The following TNFRSF10D variants were observed in gnomAD, a reference collection of about 807,000 sequenced individuals.
TNFRSF10D encodes tumor necrosis factor receptor superfamily member 10D.
A neutral mutation model predicts 42.1 loss-of-function variants in TNFRSF10D; 28 were observed. That is an observed-to-expected ratio of 0.66 (90% CI 0.49 to 0.91). The LOEUF (loss-of-function observed/expected upper bound fraction) is 0.91. TNFRSF10D is among the 40% of genes least tolerant of loss of function. TNFRSF10D has a pLI of 0.00. For missense variants in TNFRSF10D, 503 were observed against 486.1 expected, an observed-to-expected ratio of 1.03 and a Z score of -0.33; for synonymous variants, 186 against 189.4, an observed-to-expected ratio of 0.98 and a Z score of 0.15.
intron 1 of TNFRSF10D, among the ~76,000 whole-genome samples, chr8:23,155,879 A>C (rs117693200): frequency 6.6e-6 from 1 of 152,076 alleles, no homozygotes; most frequent in East Asian, 1.9e-4. Flanking sequence ...CATTTTTACA[A>C]ATGAGGGTTA....
At chr8:23,138,338 C>A in intron 7 of TNFRSF10D, 78 bp from the exon 8 acceptor site, 2 of 1,504,208 alleles carry the variant, frequency 1.3e-6, no homozygotes, top group East Asian at 2.3e-5. Context: ...CACTAGCCAG[C>A]AAGAGACCTG....
chr8:23,138,330 C>A lies in TNFRSF10D; in HGVS notation c.955-70G>T, dbSNP rs1418136395. ...TGCAGTCTAGTACTGACCCTGACCA[C>A]TAGCCAGCAAGAGACCTGCAGCGCT... On this transcript the variant is annotated intron_variant, in intron 7 of 8. Coordinates refer to ENST00000312584, the MANE Select transcript of TNFRSF10D (RefSeq NM_003840.5). 1.7e-3 allele frequency: 2,577 copies of A among 1,559,544 alleles called. No individual in the cohort carries two copies. The African/African-American group carries it at 0.019, about 12-fold the overall frequency.
In TNFRSF10D at chr8:23,144,507, C is replaced by A; in HGVS notation, c.897G>T (p.Glu299Asp). Residue 299 changes from glutamate (E) to aspartate (D), a missense_variant, in exon 7 of 9, where the codon GAG (glutamate) becomes GAT (aspartate). By Grantham distance (45) the Glu-to-Asp change is conservative. Transcript: ENST00000312584. ...QVSEQEIQGQELAELTGVTVE... is the reference protein window; with the variant it reads ...QVSEQEIQGQDLAELTGVTVE... ...CAGTCACACCTGTTAGCTCTGCCAG[C>A]TCCTGACCTTGGATTTCCTGCTCAG... 6.2e-7 allele frequency: 1 copy of A among 1,614,254 alleles called. No homozygotes were observed. Among genetic ancestry groups the A allele is most frequent in the Non-Finnish European group, 8.5e-7 (1 of 1,180,044 alleles).
In TNFRSF10D at chr8:23,135,708, C is replaced by G; in HGVS notation, c.*2162G>C. ...CAAAACCTAAACAAATCAACCAACG[C>G]CAAAAAACCCCAACAATTTCATGTT... On this transcript the variant is annotated 3_prime_UTR_variant, in exon 9 of 9. Transcript: ENST00000312584. 1 of 291,384 alleles carries G rather than the reference C, an allele frequency of 3.4e-6. No homozygotes were observed. Among genetic ancestry groups the G allele is most frequent in the South Asian group, 3.4e-5 (1 of 29,726 alleles). The allele number at this position is 291,384 out of a possible 1,614,324, so 18.0% of individuals were successfully genotyped here.
In TNFRSF10D at chr8:23,161,865, C is replaced by T. The variant is rs138075939; in HGVS notation, c.150+1921G>A. ...GAAACTTCTGAAATGATTTATCCCA[C>T]GGAAGTAGAAGTAAAATTCTACTTC... On this transcript the variant is annotated intron_variant, in intron 1 of 8. Coordinates refer to ENST00000312584, the MANE Select transcript of TNFRSF10D (RefSeq NM_003840.5). 3.3e-5 allele frequency among the ~76,000 whole-genome samples: 5 copies of T among 152,268 alleles called. 1 individual carries two copies. The highest frequency in any genetic ancestry group is 2.1e-4 in the South Asian group (1 of 4,828).
chr8:23,162,162 T>C (rs142518300), intron 1 of TNFRSF10D, among the ~76,000 whole-genome samples: 16 of 152,352 alleles, frequency 1.1e-4, no homozygotes, highest in African/African-American at 3.8e-4. Flanking sequence ...AGCTCCAAAA[T>C]TTTAAAAAGC....
rs1242422699 is a variant in TNFRSF10D at position 23,163,990 on chromosome 8, G to A, written c.-55C>T. On this transcript the variant is annotated 5_prime_UTR_variant, in exon 1 of 9. In the 5' UTR this introduces an upstream ATG that the reference lacks. Transcript: ENST00000312584. ...CAAAAATCAATCAGAAATCGTCCCC[G>A]TAGTTTGTGCGCGTGCAAAGGTTCT... The A allele has an allele frequency of 1.5e-5, 23 of 1,502,252 alleles. No homozygotes were observed. Among genetic ancestry groups the A allele is most frequent in the South Asian group, 4.0e-5 (3 of 75,622 alleles). 93.1% of individuals were successfully genotyped at this position (1,502,252 alleles called of 1,614,324 possible).
At chr8:23,156,432 A>G (rs1394543597) in intron 1 of TNFRSF10D, among the ~76,000 whole-genome samples, 542 of 151,762 alleles carry the variant, frequency 3.6e-3, no homozygotes, top group African/African-American at 0.012. Context: ...CAGTGAAGCT[A>G]ATGCACATTT....
chr8:23,145,753 C>T lies in TNFRSF10D; in HGVS notation c.651G>A (p.Val217=). 2 of 1,614,206 alleles carry T rather than the reference C, an allele frequency of 1.2e-6. No homozygotes were observed. Among genetic ancestry groups the T allele is most frequent in the Non-Finnish European group, 1.7e-6 (2 of 1,180,030 alleles). ...CCACAGCTAAAATGATGACTAAAAC[C>T]ACTATGATGATAAGGTAGTGATAGG... is the stretch of plus-strand genomic sequence containing the variant. ...ASPYHYLIII[V]VLVIILAVVV... is the part of the protein sequence containing the mutation. Residue 217 remains valine, a synonymous_variant, in exon 5 of 9, where the codon GTG becomes GTA. Transcript: ENST00000312584.
In TNFRSF10D at chr8:23,163,768, A is replaced by G. The variant is rs1182518022; in HGVS notation, c.150+18T>C. 11 of 1,606,164 alleles carry G rather than the reference A, an allele frequency of 6.8e-6. No individual in the cohort carries two copies. Among genetic ancestry groups the G allele is most frequent in the Non-Finnish European group, 8.5e-6 (10 of 1,177,408 alleles). On this transcript the variant is annotated intron_variant, in intron 1 of 8. Transcript: ENST00000312584. ...CAGGTGCGCTCTTCCCCAGCCAGGG[A>G]CCGCGGCGGAGACTCACCGGCAGCA... is the stretch of plus-strand genomic sequence containing the variant.
At chr8:23,149,063 A>T (rs373723863) in intron 2 of TNFRSF10D, among the ~76,000 whole-genome samples, 4 of 149,804 alleles carry the variant, frequency 2.7e-5, no homozygotes, top group African/African-American at 4.9e-5. Flanking sequence ...GGTGGCAGGC[A>T]CCTGTAATCC....
At chr8:23,159,067 T>G (rs114556274) in intron 1 of TNFRSF10D, among the ~76,000 whole-genome samples, 916 of 152,176 alleles carry the variant, frequency 6.0e-3, no homozygotes, top group African/African-American at 0.019. Context: ...ATTCTGCTTG[T>G]ATTCCTTCAC....
intron 4 of TNFRSF10D, among the ~76,000 whole-genome samples, chr8:23,146,233 A>C (rs1260992358): frequency 5.3e-5 from 8 of 152,276 alleles, no homozygotes; most frequent in African/African-American, 1.9e-4. Context: ...ACTCCAGGGG[A>C]AGATCACAAG....
At chr8:23,161,248 C>T (rs1477051278) in intron 1 of TNFRSF10D, among the ~76,000 whole-genome samples, 23 of 152,224 alleles carry the variant, frequency 1.5e-4, no homozygotes, top group Admixed American at 1.4e-3. Context: ...GGAGGGGAAG[C>T]ACAGCAGGGC....
intron 3 of TNFRSF10D, 25 bp downstream of exon 3, chr8:23,148,413 G>C (rs759787264): frequency 6.3e-7 from 1 of 1,581,972 alleles, no homozygotes; most frequent in Admixed American, 1.7e-5. Context: ...TCCACCTCTG[G>C]GCAAGGGGTC....
intron 1 of TNFRSF10D, among the ~76,000 whole-genome samples, chr8:23,156,338 C>T (rs1314997043): frequency 3.6e-3 from 542 of 151,502 alleles, no homozygotes; most frequent in African/African-American, 0.011. Flanking sequence ...AAGCTACTTA[C>T]CTTGGGCTCT....
chr8:23,142,679 C>T lies in TNFRSF10D; in HGVS notation c.954+1771G>A, dbSNP rs553850918. ...CACAACCTGGATAAAATCATTCATACCTCAAATTTCAGCATCAAACAAACT... is the reference window on the plus strand; with the variant it reads ...CACAACCTGGATAAAATCATTCATATCTCAAATTTCAGCATCAAACAAACT... On this transcript the variant is annotated intron_variant, in intron 7 of 8. Transcript: ENST00000312584. Among the ~76,000 whole-genome samples, 17 of 152,196 alleles carry T rather than the reference C, an allele frequency of 1.1e-4. No individual in the cohort carries two copies. In the South Asian group the frequency reaches 3.5e-3, roughly 32 times the overall value.
At position 23,148,562 on chromosome 8, in the gene TNFRSF10D, A is replaced by G. The variant is rs950323529; in HGVS notation, c.257-11T>C. The G allele has an allele frequency of 6.3e-7, 1 of 1,593,036 alleles. No homozygotes were observed. Among genetic ancestry groups the G allele is most frequent in the Non-Finnish European group, 8.6e-7 (1 of 1,163,706 alleles). On this transcript the variant is annotated splice_polypyrimidine_tract_variant and intron_variant, in intron 2 of 8. Coordinates refer to ENST00000312584, the MANE Select transcript of TNFRSF10D (RefSeq NM_003840.5). ...CTGATCTATGAGATCCTGGGAAGGGAGAGAAAAGTTAATGAATGAGTCACC... is the reference window on the plus strand; with the variant it reads ...CTGATCTATGAGATCCTGGGAAGGGGGAGAAAAGTTAATGAATGAGTCACC...
In TNFRSF10D at chr8:23,145,098, G is replaced by A. The variant is rs1310440999; in HGVS notation, c.737-9C>T. 9.9e-6 allele frequency: 16 copies of A among 1,614,076 alleles called. No individual in the cohort carries two copies. Among genetic ancestry groups the A allele is most frequent in the Non-Finnish European group, 1.3e-5 (15 of 1,179,992 alleles). ...GGGACCTCCTCCACCACCTGGAAAA[G>A]AAGCAGTCTCCTGAGCAGGCGGGGA... is the stretch of plus-strand genomic sequence containing the variant. On this transcript the variant is annotated splice_polypyrimidine_tract_variant and intron_variant, in intron 5 of 8. Coordinates refer to ENST00000312584, the MANE Select transcript of TNFRSF10D (RefSeq NM_003840.5).
Sources: gnomAD v4.1 joint callset for allele counts (sites outside exome capture counted in the v4.1 genomes callset) on GRCh38, gnomAD v4.1.1 for gene constraint, MANE v1.5 for transcripts, NCBI Gene and HGNC (gene_info 2026-07-23, HGNC 2026-07-21) for gene names.